Variants in IGSF3 observed in about 807,000 individuals in gnomAD.
IGSF3 encodes the protein glu-Trp-Ile EWI motif-containing protein 3.
In IGSF3, 23 loss-of-function variants were observed where a neutral mutation model predicts 114.4. The observed-to-expected ratio is 0.20, with a 90% CI of 0.14 to 0.28. The LOEUF (loss-of-function observed/expected upper bound fraction) is 0.28. IGSF3 is among the 10% of genes least tolerant of loss of function. The pLI is 1.00. For synonymous variants in IGSF3, 571 were observed against 645.2 expected, an observed-to-expected ratio of 0.88 and a Z score of 1.74; for missense variants, 1,172 against 1,591.5, an observed-to-expected ratio of 0.74 and a Z score of 4.48.
Position 116,594,168 on chromosome 1 carries a change from C to T in IGSF3, c.2030-5064G>A, listed in dbSNP as rs1325821833. Among the ~76,000 whole-genome samples, 2 of 152,238 alleles carry T rather than the reference C, an allele frequency of 1.3e-5. No homozygotes were observed. Among genetic ancestry groups the T allele is most frequent in the Non-Finnish European group, 2.9e-5 (2 of 68,046 alleles). On this transcript the variant is annotated intron_variant, in intron 7 of 10. Transcript: ENST00000369486. This position sits in a 1 kb window ranked among gnomAD's most constrained non-coding sequence, Gnocchi z 5.2. ...CCTGCTCATGGTGCCAAGTCTGATA[C>T]AGTGACTGTCAGTGTGCATTTAGAG...
chr1:116,637,454 CCT>C (rs1335819662), intron 2 of IGSF3, among the ~76,000 whole-genome samples: 1 of 152,148 alleles, frequency 6.6e-6, no homozygotes, highest in East Asian at 1.9e-4. Flanking sequence ...ATTTCCTTTC[CCT>C]GTGTCTTACA....
chr1:116,639,911 G>T (rs2101052185), intron 2 of IGSF3, among the ~76,000 whole-genome samples: 1 of 152,104 alleles, frequency 6.6e-6, no homozygotes, highest in African/African-American at 2.4e-5. Flanking sequence ...GCAGGCACCT[G>T]TAACCCCAGC....
Position 116,582,971 on chromosome 1 carries a change from G to A in IGSF3, c.2848+1674C>T, listed in dbSNP as rs1659663833. Among the ~76,000 whole-genome samples the A allele has an allele frequency of 6.6e-6, 1 of 152,198 alleles. No homozygotes were observed. The stretch of plus-strand genomic sequence containing the variant: ...CAGATTGATCCAGGCTTGCTCACAG[G>A]GTTGAACAGGAGGCAGACACAAGGC... On this transcript the variant is annotated intron_variant, in intron 9 of 10. Coordinates refer to ENST00000369486, the MANE Select transcript of IGSF3 (RefSeq NM_001007237.3). The surrounding 1 kb of genome is among the most constrained non-coding windows in gnomAD (Gnocchi z 4.7).
intron 2 of IGSF3, among the ~76,000 whole-genome samples, chr1:116,631,457 C>T (rs1246661162): frequency 1.3e-5 from 2 of 152,154 alleles, no homozygotes; most frequent in East Asian, 1.9e-4. Context: ...GGGAAAGGGG[C>T]CCTGGCAGAA....
At chr1:116,599,391 T>TAC (rs35774720) in intron 7 of IGSF3, among the ~76,000 whole-genome samples, 47,299 of 148,078 alleles carry the variant, frequency 0.32, 8,621 homozygotes, top group Admixed American at 0.43. Context: ...CACATACATA[T>TAC]ACACACACAC....
rs1647619088 is a variant in IGSF3, at chr1:116,632,136, C to A, written c.44-15679G>T. On this transcript the variant is annotated intron_variant, in intron 2 of 10. Transcript: ENST00000369486. The surrounding 1 kb of genome is among the most constrained non-coding windows in gnomAD (Gnocchi z 5.1). ...ACTAAGAAATGAGAGGAAGGACAAA[C>A]AAGATGTTCAAATTAGAAAATGATT... is the stretch of plus-strand genomic sequence containing the variant. Among the ~76,000 whole-genome samples, 1 of 152,140 alleles carries A rather than the reference C, an allele frequency of 6.6e-6. No individual in the cohort carries two copies. Among genetic ancestry groups the A allele is most frequent in the Non-Finnish European group, 1.5e-5 (1 of 68,030 alleles).
In IGSF3 at chr1:116,600,458, G is replaced by A. The variant is rs899617138; in HGVS notation, c.1625-113C>T. On this transcript the variant is annotated intron_variant, in intron 6 of 10. Transcript: ENST00000369486. The surrounding 1 kb of genome is among the most constrained non-coding windows in gnomAD (Gnocchi z 5.5). Reference sequence around the variant, plus strand: ...CAAGCAGTGTGGGACAGAGGCTCTCGGAGCCCCTTTTGAGCTCTCAGGCTA... The same window carrying A: ...CAAGCAGTGTGGGACAGAGGCTCTCAGAGCCCCTTTTGAGCTCTCAGGCTA... 33 of 846,614 alleles carry A rather than the reference G, an allele frequency of 3.9e-5. No homozygotes were observed. Among genetic ancestry groups the A allele is most frequent in the Middle Eastern group, 7.3e-4 (2 of 2,732 alleles). The allele number at this position is 846,614 out of a possible 1,614,324, so 52.4% of individuals were successfully genotyped here.
intron 2 of IGSF3, among the ~76,000 whole-genome samples, chr1:116,630,472 C>T (rs955244507): frequency 6.6e-6 from 1 of 152,204 alleles, no homozygotes; most frequent in Non-Finnish European, 1.5e-5. Flanking sequence ...GGGAAGTGTA[C>T]ATTCCCCATT....
chr1:116,643,681 G>A (rs1472260642), intron 2 of IGSF3, among the ~76,000 whole-genome samples: 3 of 152,312 alleles, frequency 2.0e-5, no homozygotes, highest in Middle Eastern at 6.8e-3. Context: ...CTTCTGCCAC[G>A]CCCATGCTCA....
In IGSF3 at chr1:116,666,944, C is replaced by A. The variant is rs903448946; in HGVS notation, c.-618G>T. The A allele has an allele frequency of 2.2e-5, 9 of 401,428 alleles. No homozygotes were observed. The highest frequency in any genetic ancestry group is 3.6e-5 in the East Asian group (1 of 28,094). 24.9% of individuals were successfully genotyped at this position (401,428 alleles called of 1,614,324 possible). A position where few individuals can be genotyped will look rare whatever the true frequency, so the allele number is the denominator to read the frequency against. ...CGGCAGCCCTGAAGCGGTACCCCAG[C>A]GCGAGCAGATTTCTAAAACAAACAC... On this transcript the variant is annotated 5_prime_UTR_variant, in exon 2 of 11. Coordinates refer to ENST00000369486, the MANE Select transcript of IGSF3 (RefSeq NM_001007237.3).
Position 116,577,538 on chromosome 1 carries a change from C to T in IGSF3, c.3359G>A (p.Cys1120Tyr), listed in dbSNP as rs774970932. The part of the protein sequence containing the change: ...DTSPTLQSII[C>Y]SNDALFYFVF... ...GAAGTAGAAGAGTGCGTCGTTGGAG[C>T]AGATGATGGACTGGAGGGTGGGACC... Residue 1120 changes from cysteine to tyrosine, a missense_variant, in exon 11 of 11, where the codon TGC becomes TAC. Physicochemically the swap from Cys to Tyr is radical, Grantham distance 194. This residue lies in a region of IGSF3 where 423 missense variants were observed against 509.8 expected (regional missense o/e 0.83). Coordinates refer to ENST00000369486, the MANE Select transcript of IGSF3 (RefSeq NM_001007237.3). The surrounding 1 kb of genome is among the most constrained non-coding windows in gnomAD (Gnocchi z 5.7). 24 of 1,613,914 alleles carry T rather than the reference C, an allele frequency of 1.5e-5. No homozygotes were observed. Among genetic ancestry groups the T allele is most frequent in the Non-Finnish European group, 2.0e-5 (24 of 1,179,980 alleles).
At position 116,649,618 on chromosome 1, in the gene IGSF3, G is replaced by A. The variant is rs781240071; in HGVS notation, c.43+16666C>T. Among the ~76,000 whole-genome samples, 2 of 151,836 alleles carry A rather than the reference G, an allele frequency of 1.3e-5. No individual in the cohort carries two copies. The highest frequency in any genetic ancestry group is 2.9e-5 in the Non-Finnish European group (2 of 67,984). ...CCTTTGACAGCTTCACTCCCTCCCC[G>A]CACTGCTATCAACTCAAATGTGAGT... is the stretch of plus-strand genomic sequence containing the variant. On this transcript the variant is annotated intron_variant, in intron 2 of 10. Coordinates refer to ENST00000369486, the MANE Select transcript of IGSF3 (RefSeq NM_001007237.3). The surrounding 1 kb of genome is among the most constrained non-coding windows in gnomAD (Gnocchi z 4.5).
In IGSF3 at chr1:116,636,466, T is replaced by G. The variant is rs1412723780; in HGVS notation, c.44-20009A>C. Among the ~76,000 whole-genome samples the G allele has an allele frequency of 6.6e-6, 1 of 152,108 alleles. No homozygotes were observed. The highest frequency in any genetic ancestry group is 1.5e-5 in the Non-Finnish European group (1 of 68,012). On this transcript the variant is annotated intron_variant, in intron 2 of 10. Coordinates refer to ENST00000369486, the MANE Select transcript of IGSF3 (RefSeq NM_001007237.3). The surrounding 1 kb of genome is among the most constrained non-coding windows in gnomAD (Gnocchi z 4.5). ...AGACAATGATGTTCTTAGCATCCAG[T>G]CTTAAAACTAGAAAAAGTATTGGCA...
intron 9 of IGSF3, among the ~76,000 whole-genome samples, chr1:116,581,050 A>G (rs1448160562): frequency 6.6e-6 from 1 of 152,252 alleles, no homozygotes; most frequent in Admixed American, 6.5e-5. Flanking sequence ...TAAAACACCC[A>G]TGCAGTAACT....
rs1249882495 is a variant in IGSF3, at chr1:116,604,021, G to C, written c.1227C>G (p.Ser409Arg). 4.4e-6 allele frequency: 7 copies of C among 1,601,104 alleles called. No individual in the cohort carries two copies. In the Admixed American group the frequency reaches 1.2e-4, roughly 27 times the overall value. ...NIPIIVLPLK[S>R]SISVEVASNA... ...TGCTGGCCACCTCCACGGAGATGCT[G>C]CTCTCTAGGAAGAGGGAGAGAGAAA... Residue 409 changes from serine (S) to arginine (R), a missense_variant, in exon 6 of 11, where the codon AGC becomes AGG. Ser to Arg is a moderately radical substitution (Grantham distance 110). Coordinates refer to ENST00000369486, the MANE Select transcript of IGSF3 (RefSeq NM_001007237.3).
rs1455082935 is a variant in IGSF3 at position 116,624,434 on chromosome 1, G to C, written c.44-7977C>G. ...TATAATTGTCACAGCGTTATGGAAG[G>C]ATTAAATGAGTTGCTACATTTAAAA... is the stretch of plus-strand genomic sequence containing the variant. On this transcript the variant is annotated intron_variant, in intron 2 of 10. Coordinates refer to ENST00000369486, the MANE Select transcript of IGSF3 (RefSeq NM_001007237.3). This position sits in a 1 kb window ranked among gnomAD's most constrained non-coding sequence, Gnocchi z 4.9. Among the ~76,000 whole-genome samples, 1 of 152,150 alleles carries C rather than the reference G, an allele frequency of 6.6e-6. No homozygotes were observed. Among genetic ancestry groups the C allele is most frequent in the African/African-American group, 2.4e-5 (1 of 41,422 alleles).
chr1:116,640,037 C>CAAA (rs34003833), intron 2 of IGSF3, among the ~76,000 whole-genome samples: 67 of 65,216 alleles, frequency 1.0e-3, no homozygotes, highest in African/African-American at 2.2e-3. Flanking sequence ...GACTCTATCT[C>CAAA]AAAAAAAAAA....
chr1:116,603,942 T>C lies in IGSF3; in HGVS notation c.1306A>G (p.Thr436Ala). ...EDLRFSCSVR[T>A]AGRPQGRFSV... is the part of the protein sequence containing the mutation. ...AAGCGACCCTGCGGCCTGCCTGCCG[T>C]GCGGACACTGCAGGAGAAGCGCAGG... Residue 436 changes from threonine to alanine, a missense_variant, in exon 6 of 11, where the codon ACG becomes GCG. Thr to Ala is a moderately conservative substitution (Grantham distance 58). Transcript: ENST00000369486. This position sits in a 1 kb window ranked among gnomAD's most constrained non-coding sequence, Gnocchi z 7.1. 1 of 1,613,916 alleles carries C rather than the reference T, an allele frequency of 6.2e-7. No individual in the cohort carries two copies. The highest frequency in any genetic ancestry group is 8.5e-7 in the Non-Finnish European group (1 of 1,180,030).
In IGSF3 at chr1:116,662,621, A is replaced by T. The variant is rs1045925986; in HGVS notation, c.43+3663T>A. Among the ~76,000 whole-genome samples the T allele has an allele frequency of 6.6e-6, 1 of 152,186 alleles. No individual in the cohort carries two copies. The highest frequency in any genetic ancestry group is 1.5e-5 in the Non-Finnish European group (1 of 68,032). ...ACCTGGAGGTAGCTCAATGATTCTC[A>T]CAGCTGAAAGGCATCCTAGTAGGCC... On this transcript the variant is annotated intron_variant, in intron 2 of 10. Coordinates refer to ENST00000369486, the MANE Select transcript of IGSF3 (RefSeq NM_001007237.3). The surrounding 1 kb of genome is among the most constrained non-coding windows in gnomAD (Gnocchi z 4.3).
Sources: gnomAD v4.1 joint callset for allele counts (sites outside exome capture counted in the v4.1 genomes callset) on GRCh38, gnomAD v4.1.1 for gene constraint, gnomAD v4.1.1 regional missense constraint, Gnocchi (gnomAD v3.1) non-coding constraint, MANE v1.5 for transcripts, NCBI Gene and HGNC (gene_info 2026-07-23, HGNC 2026-07-21) for gene names.